The following ALG9 variants were observed in gnomAD, a reference collection of about 807,000 sequenced individuals.
ALG9 encodes the protein alpha-1,2-mannosyltransferase ALG9.
A neutral mutation model predicts 81.8 loss-of-function variants in ALG9; 55 were observed. The ratio of observed to expected loss-of-function variants is 0.67; its 90% CI spans 0.54 to 0.84. The LOEUF (loss-of-function observed/expected upper bound fraction) is 0.84. Among genes scored for constraint, ALG9 ranks in the 40% least tolerant of loss-of-function variants. The pLI is 0.00. For missense variants in ALG9, 629 were observed against 745.0 expected, an observed-to-expected ratio of 0.84 and a Z score of 1.81; for synonymous variants, 278 against 274.3, an observed-to-expected ratio of 1.01 and a Z score of -0.13.
intron 4 of ALG9, among the ~76,000 whole-genome samples, chr11:111,862,063 G>C (rs868986629): frequency 6.6e-6 from 1 of 151,760 alleles, no homozygotes; most frequent in South Asian, 2.1e-4. Context: ...ATCTAGCTTG[G>C]GATATGTTAG....
chr11:111,798,290 TGAA>T (rs1948604780), intron 14 of ALG9: 1 of 208,120 alleles, frequency 4.8e-6, no homozygotes, highest in African/African-American at 2.4e-5. Context: ...GGACATATAA[TGAA>T]GGAGGACAGT....
intron 12 of ALG9, 21 bp from the exon 13 acceptor site, chr11:111,836,315 A>G (rs1555117655): frequency 1.2e-6 from 2 of 1,613,808 alleles, no homozygotes; most frequent in South Asian, 2.2e-5. Flanking sequence ...CACAAGGAGA[A>G]TAAGAAAAAC....
intron 13 of ALG9, among the ~76,000 whole-genome samples, chr11:111,821,108 T>G (rs566136228): frequency 6.6e-6 from 1 of 152,156 alleles, no homozygotes; most frequent in Non-Finnish European, 1.5e-5. Context: ...AAAATAAAAT[T>G]TTTTAAAAAG....
chr11:111,855,842 T>C (rs1381965752), intron 6 of ALG9, among the ~76,000 whole-genome samples: 4 of 151,922 alleles, frequency 2.6e-5, no homozygotes, highest in South Asian at 2.1e-4. Flanking sequence ...CAAAATAGAA[T>C]AGAAGAAAGG....
chr11:111,818,845 AG>A (rs1951899681), intron 13 of ALG9, among the ~76,000 whole-genome samples: 1 of 152,128 alleles, frequency 6.6e-6, no homozygotes. Flanking sequence ...AAAAAGGGAG[AG>A]GAAGTGAAGG....
intron 13 of ALG9, among the ~76,000 whole-genome samples, chr11:111,835,359 T>C (rs1289211800): frequency 6.6e-6 from 1 of 152,184 alleles, no homozygotes; most frequent in African/African-American, 2.4e-5. Flanking sequence ...GTGTCATCTT[T>C]CAAAGGAACT....
intron 13 of ALG9, among the ~76,000 whole-genome samples, chr11:111,816,145 T>C (rs147218579): frequency 2.2e-4 from 33 of 152,350 alleles, no homozygotes; most frequent in African/African-American, 3.4e-4. Flanking sequence ...CTTTTGAGTA[T>C]TGAATTTGTT....
intron 14 of ALG9, among the ~76,000 whole-genome samples, chr11:111,803,441 C>T (rs897683571): frequency 3.4e-5 from 5 of 149,208 alleles, no homozygotes; most frequent in Non-Finnish European, 7.4e-5. Flanking sequence ...GCAGAGGTTG[C>T]AACAAGCCAA....
At chr11:111,821,773 C>G (rs1029152397) in intron 13 of ALG9, among the ~76,000 whole-genome samples, 3 of 151,994 alleles carry the variant, frequency 2.0e-5, no homozygotes, top group Non-Finnish European at 4.4e-5. Flanking sequence ...GTAGCTGGGA[C>G]TACAGGCGCC....
At chr11:111,780,818 T>C (rs1362594654), downstream of ALG9, among the ~76,000 whole-genome samples, 1 of 152,210 alleles carries the variant, frequency 6.6e-6, no homozygotes, top group African/African-American at 2.4e-5. Flanking sequence ...AGTACCAAAA[T>C]GTTCAGGGAA....
intron 4 of ALG9, among the ~76,000 whole-genome samples, chr11:111,863,138 G>A (rs1482662565): frequency 6.6e-6 from 1 of 152,066 alleles, no homozygotes; most frequent in African/African-American, 2.4e-5. Context: ...TTGGGAGGCC[G>A]AGGCGGGCAG....
chr11:111,812,392 ACT>A (rs1198564537), intron 13 of ALG9, among the ~76,000 whole-genome samples: 2 of 151,962 alleles, frequency 1.3e-5, no homozygotes, highest in Non-Finnish European at 2.9e-5. Flanking sequence ...AGACAGTGAG[ACT>A]CTGTTTCCAC....
At position 111,870,325 on chromosome 11, in the gene ALG9, A is replaced by G; in HGVS notation, c.177T>C (p.Ser59=). ...KAGQVWAPEG[S]TAFKCLLSAR... is the part of the protein sequence containing the mutation. ...CTGAAAGCAGACACTTGAAAGCAGT[A>G]GATCCTTCAGGTGCCCAGACTTGTC... The change falls in exon 2 of 15, where the codon TCT becomes TCC. Residue 59 remains serine, a synonymous_variant. Transcript: ENST00000616540. 6.3e-7 allele frequency: 1 copy of G among 1,594,366 alleles called. No individual in the cohort carries two copies. Among genetic ancestry groups the G allele is most frequent in the Non-Finnish European group, 8.6e-7 (1 of 1,169,462 alleles).
chr11:111,788,495 A>G (rs1016132716), intron 14 of ALG9: 8 of 452,916 alleles, frequency 1.8e-5, no homozygotes, highest in South Asian at 3.1e-5. Flanking sequence ...TGTAATCCCA[A>G]TATTTTGAGA....
intron 2 of ALG9, 55 bp from the exon 3 acceptor site, chr11:111,868,791 A>G: frequency 6.7e-7 from 1 of 1,484,778 alleles, no homozygotes; most frequent in Non-Finnish European, 9.0e-7. Flanking sequence ...ATCTCTGTTA[A>G]GCAGATGCAA....
intron 14 of ALG9, chr11:111,805,443 T>C (rs543807368): frequency 3.8e-5 from 16 of 418,992 alleles, no homozygotes; most frequent in Admixed American, 2.9e-4. Context: ...GAATAAACTG[T>C]GGCACATCCA....
chr11:111,806,257 T>C (rs782127447), intron 14 of ALG9, among the ~76,000 whole-genome samples: 1 of 152,144 alleles, frequency 6.6e-6, no homozygotes, highest in South Asian at 2.1e-4. Flanking sequence ...CTTCCTTGTA[T>C]AGCAAAACTC....
intron 13 of ALG9, among the ~76,000 whole-genome samples, chr11:111,821,571 G>A (rs547998113): frequency 1.3e-5 from 2 of 152,246 alleles, no homozygotes; most frequent in African/African-American, 4.8e-5. Context: ...GTCCACTCAT[G>A]TGTGTCACTA....
intron 13 of ALG9, 131 bp from the exon 14 acceptor site, chr11:111,809,904 C>T: frequency 9.8e-7 from 1 of 1,019,780 alleles, no homozygotes; most frequent in South Asian, 1.3e-5. Context: ...GACAATGTTG[C>T]CTATGCTCTC....
Sources: gnomAD v4.1 joint callset for allele counts (sites outside exome capture counted in the v4.1 genomes callset) on GRCh38, gnomAD v4.1.1 for gene constraint, MANE v1.5 for transcripts, NCBI Gene and HGNC (gene_info 2026-07-23, HGNC 2026-07-21) for gene names.